Variants in WDR27 observed in about 807,000 individuals in gnomAD.
WDR27 encodes WD repeat domain 27.
A neutral mutation model predicts 114.4 loss-of-function variants in WDR27; 100 were observed. That is an observed-to-expected ratio of 0.87 (90% CI 0.74 to 1.03). WDR27 has a LOEUF of 1.03. Ranked by LOEUF, WDR27 falls within the 50% of genes least tolerant of loss-of-function variation. The pLI, the probability that WDR27 is intolerant of heterozygous loss-of-function variation, is 0.00. For synonymous variants in WDR27, 449 were observed against 423.1 expected (o/e 1.06, Z -0.75); for missense variants, 1,129 against 1,092.9 (o/e 1.03, Z -0.47).
chr6:169,609,686 G>A (rs997350436), intron 22 of WDR27, among the ~76,000 whole-genome samples: 1 of 152,220 alleles, frequency 6.6e-6, no homozygotes, highest in Non-Finnish European at 1.5e-5. Flanking sequence ...CCTCTGACGT[G>A]TCCTGAAGAC....
intron 25 of WDR27, among the ~76,000 whole-genome samples, chr6:169,557,008 C>T (rs1052312708): frequency 1.3e-5 from 2 of 152,148 alleles, no homozygotes; most frequent in Non-Finnish European, 2.9e-5. Flanking sequence ...AGTTACGTTG[C>T]GGTTAAGCAC....
chr6:169,593,577 G>T (rs539317358), intron 23 of WDR27, among the ~76,000 whole-genome samples: 1 of 152,258 alleles, frequency 6.6e-6, no homozygotes, highest in South Asian at 2.1e-4. Flanking sequence ...GCCAGGTATG[G>T]TGGCTCATGC....
intron 14 of WDR27, among the ~76,000 whole-genome samples, 166 bp from the exon 15 acceptor site, chr6:169,649,441 C>T (rs1324342469): frequency 1.3e-5 from 2 of 152,038 alleles, no homozygotes; most frequent in East Asian, 3.9e-4. Flanking sequence ...CACCTCCTCC[C>T]CTCCTGTGTC....
chr6:169,635,584 G>C (rs567243939), intron 19 of WDR27, among the ~76,000 whole-genome samples: 1 of 152,308 alleles, frequency 6.6e-6, no homozygotes, highest in South Asian at 2.1e-4. Context: ...GGGTGAGATC[G>C]GGGATTCCTT....
the WDR27 span, among the ~76,000 whole-genome samples, chr6:169,435,490 G>C: frequency 6.6e-6 from 1 of 152,364 alleles, no homozygotes. Context: ...CACAGGGGTG[G>C]AGCTGCTCAA....
intron 1 of WDR27, among the ~76,000 whole-genome samples, chr6:169,700,135 G>A (rs560851721): frequency 2.2e-4 from 34 of 152,306 alleles, no homozygotes; most frequent in Middle Eastern, 3.4e-3. Context: ...AAGGGAGATG[G>A]TTACAAAAAC....
chr6:169,508,489 G>A (rs1241017153), intron 25 of WDR27, among the ~76,000 whole-genome samples: 1 of 152,094 alleles, frequency 6.6e-6, no homozygotes, highest in Non-Finnish European at 1.5e-5. Flanking sequence ...TTCACTCAAT[G>A]ACTCAACAAA....
chr6:169,430,201 G>A, the WDR27 span, among the ~76,000 whole-genome samples: 1 of 152,214 alleles, frequency 6.6e-6, no homozygotes, highest in Non-Finnish European at 1.5e-5. Context: ...GGGAAACTTT[G>A]GTTCAGACAC....
chr6:169,599,806 T>C (rs1211373870), intron 23 of WDR27, among the ~76,000 whole-genome samples: 1 of 152,176 alleles, frequency 6.6e-6, no homozygotes, highest in Non-Finnish European at 1.5e-5. Context: ...CTGTTAGCTT[T>C]TGAATGTGTT....
intron 23 of WDR27, among the ~76,000 whole-genome samples, chr6:169,593,193 T>C (rs1806094425): frequency 6.6e-6 from 1 of 152,246 alleles, no homozygotes; most frequent in Non-Finnish European, 1.5e-5. Context: ...AACAGTTAAG[T>C]ATCTTTGGGA....
At chr6:169,436,883 T>C in the WDR27 span, among the ~76,000 whole-genome samples, 1 of 152,130 alleles carries the variant, frequency 6.6e-6, no homozygotes, top group South Asian at 2.1e-4. Flanking sequence ...AAATCATTTT[T>C]AGACATTATA....
chr6:169,536,329 A>T (rs1265474231), intron 25 of WDR27, among the ~76,000 whole-genome samples: 1 of 152,078 alleles, frequency 6.6e-6, no homozygotes, highest in East Asian at 1.9e-4. Flanking sequence ...CATGTGCATC[A>T]CCAGAGCTAC....
chr6:169,498,487 T>C (rs1486233381), intron 25 of WDR27, among the ~76,000 whole-genome samples: 1 of 152,028 alleles, frequency 6.6e-6, no homozygotes, highest in African/African-American at 2.4e-5. Context: ...GAAGAAAAAA[T>C]AGATCAGGGA....
intron 18 of WDR27, 81 bp downstream of exon 18, chr6:169,638,458 T>G: frequency 6.5e-7 from 1 of 1,537,148 alleles, no homozygotes; most frequent in Non-Finnish European, 8.8e-7. Flanking sequence ...CATCTCCTGT[T>G]AAGGTAAAAG....
intron 23 of WDR27, among the ~76,000 whole-genome samples, chr6:169,599,501 G>A (rs1807510036): frequency 6.6e-6 from 1 of 152,148 alleles, no homozygotes; most frequent in African/African-American, 2.4e-5. Context: ...GAGTGTACGT[G>A]TCGAGGAATT....
At chr6:169,460,989 G>GAAA (rs34208884) in intron 25 of WDR27, among the ~76,000 whole-genome samples, 28 of 132,890 alleles carry the variant, frequency 2.1e-4, no homozygotes, top group African/African-American at 7.8e-4. Context: ...ACCAATAACA[G>GAAA]AAAAAAAAAA....
intron 18 of WDR27, among the ~76,000 whole-genome samples, chr6:169,637,296 C>G (rs79321134): frequency 0.017 from 2,586 of 152,332 alleles, 73 homozygotes; most frequent in African/African-American, 0.06. Flanking sequence ...TTACTGCTAT[C>G]TGGACTATGA....
chr6:169,562,193 C>T (rs529843125), intron 25 of WDR27, among the ~76,000 whole-genome samples: 31 of 152,302 alleles, frequency 2.0e-4, no homozygotes, highest in African/African-American at 6.7e-4. Flanking sequence ...ACCTAACCAA[C>T]ACGACACGTT....
At chr6:169,450,656 C>G in the WDR27 span, among the ~76,000 whole-genome samples, 3 of 152,216 alleles carry the variant, frequency 2.0e-5, no homozygotes, top group Admixed American at 6.5e-5. Flanking sequence ...CCAGAGTACA[C>G]TGGGTCTGGC....
Sources: allele counts gnomAD v4.1 joint callset (sites outside exome capture counted in the v4.1 genomes callset), GRCh38; gene constraint gnomAD v4.1.1; transcripts MANE v1.5; gene names NCBI Gene and HGNC (gene_info 2026-07-23, HGNC 2026-07-21).